Variants in TRIM61 observed in about 807,000 individuals in gnomAD.
TRIM61 encodes putative tripartite motif-containing protein 61.
A neutral mutation model predicts 14.2 loss-of-function variants in TRIM61; 1 was observed. That is an observed-to-expected ratio of 0.07 (90% CI 0.03 to 0.33). The LOEUF is 0.33. Ranked by LOEUF, TRIM61 falls within the 10% of genes least tolerant of loss-of-function variation. TRIM61 has a pLI of 0.99. For synonymous variants in TRIM61, 8 were observed against 71.6 expected (o/e 0.11, Z 4.49); for missense variants, 19 against 202.2 (o/e 0.09, Z 5.49).
chr4:164,963,906 T>C (rs1296624222), intron 3 of TRIM61, among the ~76,000 whole-genome samples: 1 of 152,142 alleles, frequency 6.6e-6, no homozygotes, highest in African/African-American at 2.4e-5. Flanking sequence ...GGAAATTAAA[T>C]ATTTTGAGCA....
intron 1 of TRIM61, among the ~76,000 whole-genome samples, chr4:164,977,182 G>C (rs1050018475): frequency 4.6e-5 from 7 of 152,158 alleles, no homozygotes; most frequent in Non-Finnish European, 7.3e-5. Flanking sequence ...CGAGGGTGCA[G>C]ACGACGTAGG....
chr4:164,968,848 T>A (rs1303935608), intron 3 of TRIM61: 1 of 986,584 alleles, frequency 1.0e-6, no homozygotes, highest in Non-Finnish European at 1.2e-6. Flanking sequence ...TTCCCCATAA[T>A]CCATCCTGTA....
At chr4:164,969,332 G>A in intron 3 of TRIM61, 1 of 1,511,408 alleles carries the variant, frequency 6.6e-7, no homozygotes. Context: ...GGTATAATCT[G>A]AAAATTTTGT....
At chr4:164,970,799 C>A (rs1560887257) in intron 2 of TRIM61, among the ~76,000 whole-genome samples, 1 of 152,026 alleles carries the variant, frequency 6.6e-6, no homozygotes, top group East Asian at 1.9e-4. Flanking sequence ...CAAAACAAAA[C>A]AAAAAAATGC....
intron 2 of TRIM61, among the ~76,000 whole-genome samples, chr4:164,976,477 A>G (rs1432592872): frequency 6.6e-6 from 1 of 152,118 alleles, no homozygotes; most frequent in Non-Finnish European, 1.5e-5. Context: ...TAAAATCAGG[A>G]CATTAAGTGA....
At chr4:164,970,712 T>C (rs1364238397) in intron 2 of TRIM61, among the ~76,000 whole-genome samples, 2 of 152,070 alleles carry the variant, frequency 1.3e-5, no homozygotes, top group African/African-American at 4.8e-5. Flanking sequence ...AAAAGGTTTC[T>C]ACATTTAAGG....
intron 1 of TRIM61, 29 bp from the exon 2 acceptor site, chr4:164,976,854 A>C (rs952872485): frequency 2.0e-5 from 3 of 152,218 alleles, no homozygotes; most frequent in Non-Finnish European, 2.9e-5. Flanking sequence ...AAAAAGATCC[A>C]TTAAGATCTA....
chr4:164,967,341 T>G (rs1732265686), intron 3 of TRIM61, among the ~76,000 whole-genome samples: 1 of 152,232 alleles, frequency 6.6e-6, no homozygotes, highest in South Asian at 2.1e-4. Context: ...AAAGCTCGTC[T>G]TTTTTGTTGA....
chr4:164,957,254 T>C (rs1292942452), intron 3 of TRIM61: 1 of 1,614,178 alleles, frequency 6.2e-7, no homozygotes, highest in South Asian at 1.1e-5. Flanking sequence ...CCACCAATCC[T>C]GGGAGAAGCG....
intron 3 of TRIM61, among the ~76,000 whole-genome samples, chr4:164,962,407 G>GTC (rs1732156819): frequency 6.6e-6 from 1 of 151,624 alleles, no homozygotes; most frequent in African/African-American, 2.4e-5. Context: ...GTGTGTGTGT[G>GTC]TGTGTGTGTG....
chr4:164,957,202 C>T (rs1207803728), intron 3 of TRIM61: 16 of 1,613,806 alleles, frequency 9.9e-6, no homozygotes, highest in Non-Finnish European at 1.7e-6. Flanking sequence ...TCTCTTTGCT[C>T]AGACATCCAG....
chr4:164,975,716 G>T (rs1244559984), intron 2 of TRIM61, among the ~76,000 whole-genome samples: 4 of 152,190 alleles, frequency 2.6e-5, no homozygotes, highest in African/African-American at 9.7e-5. Context: ...TGAAAGCGGG[G>T]TATTGTCCAA....
intron 3 of TRIM61, among the ~76,000 whole-genome samples, chr4:164,959,539 G>A (rs1051344167): frequency 6.6e-6 from 1 of 152,112 alleles, no homozygotes; most frequent in African/African-American, 2.4e-5. Flanking sequence ...ATTACATCTG[G>A]AGGAGGGTGA....
At chr4:164,973,509 G>GA (rs760166829) in intron 2 of TRIM61, among the ~76,000 whole-genome samples, 1 of 152,166 alleles carries the variant, frequency 6.6e-6, no homozygotes, top group African/African-American at 2.4e-5. Context: ...CTACAATGGA[G>GA]AAAAGAGATA....
intron 1 of TRIM61, among the ~76,000 whole-genome samples, chr4:164,977,214 G>A (rs1476018150): frequency 6.6e-6 from 1 of 152,124 alleles, no homozygotes; most frequent in Non-Finnish European, 1.5e-5. Flanking sequence ...TCAACTGGCA[G>A]CTACCACTTC....
At chr4:164,973,547 T>G (rs963836874) in intron 2 of TRIM61, among the ~76,000 whole-genome samples, 2 of 152,324 alleles carry the variant, frequency 1.3e-5, no homozygotes, top group Non-Finnish European at 2.9e-5. Context: ...TAACAATACC[T>G]AACAGAATTG....
At chr4:164,976,152 C>T (rs1215788423) in intron 2 of TRIM61, among the ~76,000 whole-genome samples, 1 of 152,196 alleles carries the variant, frequency 6.6e-6, no homozygotes, top group African/African-American at 2.4e-5. Flanking sequence ...CTTATTATAA[C>T]CCTGCTCTCC....
Position 164,957,122 on chromosome 4 carries a change from C to T in TRIM61, c.526-2026G>A, listed in dbSNP as rs745912434. 4.4e-6 allele frequency: 7 copies of T among 1,595,894 alleles called. No individual in the cohort carries two copies. In the South Asian group the frequency reaches 7.9e-5, roughly 18 times the overall value. ...AGGGTGGGCTGGGCGAGCCAAACTG[C>T]GTTCCTGGTGCAGGGCTTCGGGTCT... is the stretch of plus-strand genomic sequence containing the variant. On this transcript the variant is annotated intron_variant, in intron 3 of 4. Transcript: ENST00000329314.
chr4:164,968,179 G>A (rs1732281895), intron 3 of TRIM61, 102 bp downstream of exon 3: 1 of 984,516 alleles, frequency 1.0e-6, no homozygotes, highest in Non-Finnish European at 1.2e-6. Context: ...GAAAAGAAAA[G>A]AAAAAGAAAA....
Sources: gnomAD v4.1 joint callset for allele counts (sites outside exome capture counted in the v4.1 genomes callset) on GRCh38, gnomAD v4.1.1 for gene constraint, MANE v1.5 for transcripts, NCBI Gene and HGNC (gene_info 2026-07-23, HGNC 2026-07-21) for gene names.